The following RFTN1 variants were observed in gnomAD, a reference collection of about 807,000 sequenced individuals.
The protein encoded by RFTN1 is raftlin, lipid raft linker 1, also known as raftlin.
A neutral mutation model predicts 46.5 loss-of-function variants in RFTN1; 26 were observed. The ratio of observed to expected loss-of-function variants is 0.56; its 90% CI spans 0.41 to 0.78. RFTN1 has a LOEUF of 0.78. Among genes scored for constraint, RFTN1 ranks in the 30% least tolerant of loss-of-function variants. RFTN1 has a pLI of 0.00. For missense variants in RFTN1, 693 were observed against 718.7 expected (o/e 0.96, Z 0.41); for synonymous variants, 261 against 284.2 (o/e 0.92, Z 0.82).
intron 4 of RFTN1, among the ~76,000 whole-genome samples, chr3:16,408,250 T>C (rs1222037575): frequency 6.6e-6 from 1 of 152,038 alleles, no homozygotes; most frequent in East Asian, 1.9e-4. Context: ...CCGTCATCCT[T>C]CCCATCTCAG....
rs1238709904 is a variant in RFTN1, at chr3:16,468,591, G to A, written c.145+25134C>T. Among the ~76,000 whole-genome samples the A allele has an allele frequency of 6.7e-6, 1 of 148,960 alleles. No homozygotes were observed. The highest frequency in any genetic ancestry group is 1.5e-5 in the Non-Finnish European group (1 of 67,740). The stretch of plus-strand genomic sequence containing the variant: ...AAATAGAGTGATGGAGTAGCGGGGA[G>A]AGGCTGACGCATTTCCTCACGTACA... On this transcript the variant is annotated intron_variant, in intron 2 of 9. Transcript: ENST00000334133. The surrounding 1 kb of genome is among the most constrained non-coding windows in gnomAD (Gnocchi z 4.4).
intron 8 of RFTN1, among the ~76,000 whole-genome samples, chr3:16,325,271 A>G (rs1175916773): frequency 6.6e-6 from 1 of 152,040 alleles, no homozygotes; most frequent in Non-Finnish European, 1.5e-5. Flanking sequence ...CAGGCTGGAG[A>G]TCACACAGTG....
At chr3:16,444,272 C>G (rs1193521422) in intron 2 of RFTN1, among the ~76,000 whole-genome samples, 1 of 152,148 alleles carries the variant, frequency 6.6e-6, no homozygotes, top group South Asian at 2.1e-4. Flanking sequence ...GCATCAAAGA[C>G]TAGCCACTAA....
At chr3:16,393,917 C>G (rs922715074) in intron 4 of RFTN1, among the ~76,000 whole-genome samples, 3 of 152,104 alleles carry the variant, frequency 2.0e-5, no homozygotes, top group African/African-American at 7.2e-5. Context: ...CCTCGGCCTC[C>G]CAAAATGCTG....
At chr3:16,478,148 C>T (rs2076312630) in intron 2 of RFTN1, among the ~76,000 whole-genome samples, 2 of 152,142 alleles carry the variant, frequency 1.3e-5, no homozygotes, top group African/African-American at 4.8e-5. Context: ...GAAAATTGTC[C>T]CCAACCAAAC....
At chr3:16,324,090 G>A (rs1034404940) in intron 8 of RFTN1, among the ~76,000 whole-genome samples, 1 of 147,538 alleles carries the variant, frequency 6.8e-6, no homozygotes, top group East Asian at 2.0e-4. Flanking sequence ...TAGAAGTATT[G>A]TAAAGAAGAT....
intron 2 of RFTN1, among the ~76,000 whole-genome samples, chr3:16,488,525 A>G (rs2076488926): frequency 6.6e-6 from 1 of 152,216 alleles, no homozygotes; most frequent in South Asian, 2.1e-4. Context: ...ATGAAAAATA[A>G]GTGTATAGAG....
intron 1 of RFTN1, among the ~76,000 whole-genome samples, chr3:16,502,985 G>A (rs185695868): frequency 5.3e-4 from 80 of 152,308 alleles, no homozygotes; most frequent in Non-Finnish European, 1.0e-3. Context: ...GAGTGGTTGA[G>A]AGCTGACTCT....
At chr3:16,497,327 C>A (rs778473349) in intron 1 of RFTN1, among the ~76,000 whole-genome samples, 13 of 152,226 alleles carry the variant, frequency 8.5e-5, no homozygotes, top group Non-Finnish European at 1.9e-4. Context: ...CGTACTGGGT[C>A]TCAATTCTTC....
rs565429598 is a variant in RFTN1 at position 16,406,369 on chromosome 3, C to T, written c.441+3006G>A. Among the ~76,000 whole-genome samples, 4 of 152,278 alleles carry T rather than the reference C, an allele frequency of 2.6e-5. No individual in the cohort carries two copies. The South Asian group carries it at 8.3e-4, about 32-fold the overall frequency. On this transcript the variant is annotated intron_variant, in intron 4 of 9. Transcript: ENST00000334133. ...AATGCTAGGTCTTTCCAAGTCCAGC[C>T]CTGTCCACTAACAGACAATGCGGGG...
chr3:16,467,190 C>T (rs543839153), intron 2 of RFTN1, among the ~76,000 whole-genome samples: 6 of 152,012 alleles, frequency 3.9e-5, no homozygotes, highest in South Asian at 2.1e-4. Flanking sequence ...ATGAAACAGA[C>T]GGATGCATAG....
chr3:16,423,199 C>G (rs2075223303), intron 3 of RFTN1, among the ~76,000 whole-genome samples: 1 of 151,910 alleles, frequency 6.6e-6, no homozygotes, highest in South Asian at 2.1e-4. Context: ...CCCTGTCTTA[C>G]TCCCTAACTA....
chr3:16,434,470 C>T (rs1439559952), intron 2 of RFTN1, among the ~76,000 whole-genome samples: 2 of 151,976 alleles, frequency 1.3e-5, no homozygotes, highest in East Asian at 3.9e-4. Flanking sequence ...GGGAAGATCG[C>T]TTGAGCTGGA....
intron 2 of RFTN1, among the ~76,000 whole-genome samples, chr3:16,478,945 A>G (rs892011723): frequency 3.9e-5 from 6 of 152,198 alleles, no homozygotes; most frequent in Non-Finnish European, 7.4e-5. Flanking sequence ...TAATCTCGGA[A>G]GTGATAACCC....
Position 16,323,605 on chromosome 3 carries a change from T to C in RFTN1, c.1251-148A>G, listed in dbSNP as rs562697762. ...AGAGACGCCTGCTCTACTCTTCCGC[T>C]CCCAGGCCATCCAACCTTGCTTCCG... On this transcript the variant is annotated intron_variant, in intron 8 of 9. Transcript: ENST00000334133. The C allele has an allele frequency of 8.8e-6, 5 of 570,282 alleles. No individual in the cohort carries two copies. The South Asian group carries it at 1.2e-4, about 14-fold the overall frequency. 35.3% of individuals were successfully genotyped at this position (570,282 alleles called of 1,614,324 possible).
intron 7 of RFTN1, 88 bp downstream of exon 7, chr3:16,357,844 G>C: frequency 1.2e-6 from 1 of 815,368 alleles, no homozygotes; most frequent in Non-Finnish European, 2.1e-6. Flanking sequence ...AGCCACAGCT[G>C]AGCCACAGCC....
chr3:16,411,332 G>A (rs970994866), intron 3 of RFTN1, among the ~76,000 whole-genome samples: 3 of 152,174 alleles, frequency 2.0e-5, no homozygotes, highest in African/African-American at 7.2e-5. Context: ...TTAACCATCT[G>A]TGTATGATTC....
At position 16,335,835 on chromosome 3, in the gene RFTN1, TCA is replaced by T; in HGVS notation, c.1147-8961_1147-8960del. Among the ~76,000 whole-genome samples, 1 of 149,518 alleles carries T rather than the reference TCA, an allele frequency of 6.7e-6. No homozygotes were observed. The highest frequency in any genetic ancestry group is 2.0e-4 in the East Asian group (1 of 5,072). Reference sequence around the variant, plus strand: ...CCATCAAATATCTCAAGAGGGCAAGTCACAAGGAGCCTGGAAACTGGATGGAT... The same window carrying T: ...CCATCAAATATCTCAAGAGGGCAAGTCAAGGAGCCTGGAAACTGGATGGAT... On this transcript the variant is annotated intron_variant, in intron 7 of 9. Transcript: ENST00000334133. The surrounding 1 kb of genome is among the most constrained non-coding windows in gnomAD (Gnocchi z 4.7).
chr3:16,366,556 C>T (rs920844255), intron 6 of RFTN1, among the ~76,000 whole-genome samples: 1 of 152,202 alleles, frequency 6.6e-6, no homozygotes, highest in Non-Finnish European at 1.5e-5. Flanking sequence ...ACAACTCCTG[C>T]CAGCATAGCC....
Sources: allele counts gnomAD v4.1 joint callset (sites outside exome capture counted in the v4.1 genomes callset), GRCh38; gene constraint gnomAD v4.1.1; non-coding constraint Gnocchi (gnomAD v3.1); transcripts MANE v1.5; gene names NCBI Gene and HGNC (gene_info 2026-07-23, HGNC 2026-07-21).